IRF2: variants seen among roughly 807,000 people sequenced by gnomAD.
IRF2 encodes interferon regulatory factor 2.
Under a neutral mutation model 40.6 loss-of-function variants are expected in IRF2, and 15 were observed. That is an observed-to-expected ratio of 0.37 (90% confidence interval 0.25 to 0.57). The LOEUF (loss-of-function observed/expected upper bound fraction) is 0.57, where lower values mean the gene tolerates loss of function less well. Among genes scored for constraint, IRF2 ranks in the 20% least tolerant of loss-of-function variants. IRF2 has a pLI of 0.77. For missense variants in IRF2, 317 were observed against 455.7 expected (o/e 0.70, Z 2.77); for synonymous variants, 151 against 165.5 (o/e 0.91, Z 0.67).
intron 2 of IRF2, among the ~76,000 whole-genome samples, chr4:184,422,195 T>A (rs1281698687): frequency 6.6e-6 from 1 of 152,206 alleles, no homozygotes; most frequent in Non-Finnish European, 1.5e-5. Context: ...CTCGTTTTTT[T>A]ATAAATTACC....
intron 1 of IRF2, among the ~76,000 whole-genome samples, chr4:184,431,515 G>A (rs963766349): frequency 7.2e-5 from 11 of 152,190 alleles, no homozygotes; most frequent in African/African-American, 1.9e-4. Flanking sequence ...AGCTCTGCCC[G>A]CCAGGGTGGT....
intron 1 of IRF2, among the ~76,000 whole-genome samples, chr4:184,461,964 A>G (rs1036916929): frequency 1.3e-5 from 2 of 152,118 alleles, no homozygotes; most frequent in African/African-American, 4.8e-5. Context: ...GTCCTGCCCC[A>G]CATCCCCAGG....
chr4:184,419,322 C>T lies in IRF2; in HGVS notation c.187+147G>A. On this transcript the variant is annotated intron_variant, in intron 3 of 8. Transcript: ENST00000393593. The stretch of plus-strand genomic sequence containing the variant: ...ACTTCTGAGGGCTGCAGTTTGTACC[C>T]CATGTGTCCTGGATGTGCCTAGGGA... The T allele has an allele frequency of 2.3e-5, 15 of 644,654 alleles. No individual in the cohort carries two copies. In the South Asian group the frequency reaches 2.5e-4, roughly 11 times the overall value. 39.9% of individuals were successfully genotyped at this position (644,654 alleles called of 1,614,324 possible).
rs567416145 is a variant in IRF2, at chr4:184,408,512, T to C, written c.412-237A>G. 1.3e-5 allele frequency among the ~76,000 whole-genome samples: 2 copies of C among 152,326 alleles called. No individual in the cohort carries two copies. The highest frequency in any genetic ancestry group is 3.9e-4 in the East Asian group (2 of 5,180). On this transcript the variant is annotated intron_variant, in intron 5 of 8. Coordinates refer to ENST00000393593, the MANE Select transcript of IRF2 (RefSeq NM_002199.4). This position sits in a 1 kb window ranked among gnomAD's most constrained non-coding sequence, Gnocchi z 4.9. ...CCTTCAAGGAAACGGTACCGGCCCA[T>C]CTGGCTTGCCTTTAGGAAATGCTTC... is the stretch of plus-strand genomic sequence containing the variant.
chr4:184,388,697 TACAA>T lies in IRF2; in HGVS notation c.*57_*60del, dbSNP rs1736140736. On this transcript the variant is annotated 3_prime_UTR_variant, in exon 9 of 9. Coordinates refer to ENST00000393593, the MANE Select transcript of IRF2 (RefSeq NM_002199.4). The surrounding 1 kb of genome is among the most constrained non-coding windows in gnomAD (Gnocchi z 4.6). ...AGGTGTCAGAGAGAAAAAAATAAAA[TACAA>T]ACAAACAACAAAACAAAGCCAAGAA... The T allele has an allele frequency of 2.0e-6, 3 of 1,523,422 alleles. No individual in the cohort carries two copies. Among genetic ancestry groups the T allele is most frequent in the Admixed American group, 2.2e-5 (1 of 45,436 alleles). The allele number at this position is 1,523,422 out of a possible 1,614,324, so 94.4% of individuals were successfully genotyped here.
At position 184,436,659 on chromosome 4, in the gene IRF2, G is replaced by C. The variant is rs565924297; in HGVS notation, c.-6-7589C>G. On this transcript the variant is annotated intron_variant, in intron 1 of 8. Transcript: ENST00000393593. ...TGGATGGGGAGGTGCTGTCTAGGCA[G>C]GGAGAAGGTGGCAGGCAAGCCAGGG... Among the ~76,000 whole-genome samples, 4 of 152,310 alleles carry C rather than the reference G, an allele frequency of 2.6e-5. No homozygotes were observed. The South Asian group carries it at 8.3e-4, about 32-fold the overall frequency.
At chr4:184,447,809 A>C (rs559619257) in intron 1 of IRF2, among the ~76,000 whole-genome samples, 4 of 152,238 alleles carry the variant, frequency 2.6e-5, no homozygotes, top group Non-Finnish European at 5.9e-5. Context: ...CAAAAGTGTC[A>C]AGTTCATGGA....
intron 5 of IRF2, among the ~76,000 whole-genome samples, chr4:184,410,335 G>A (rs958789472): frequency 2.0e-5 from 3 of 152,196 alleles, no homozygotes; most frequent in Non-Finnish European, 4.4e-5. Flanking sequence ...TAGTAAATAA[G>A]CACTCACCAT....
At chr4:184,456,823 G>T (rs1186261095) in intron 1 of IRF2, among the ~76,000 whole-genome samples, 2 of 152,216 alleles carry the variant, frequency 1.3e-5, no homozygotes, top group Non-Finnish European at 2.9e-5. Context: ...ACATACAACC[G>T]GTTCAAACAC....
intron 1 of IRF2, among the ~76,000 whole-genome samples, chr4:184,445,912 G>A (rs1738490525): frequency 6.6e-6 from 1 of 152,102 alleles, no homozygotes; most frequent in South Asian, 2.1e-4. Flanking sequence ...CAAGTTAAAC[G>A]AGGTCATACC....
chr4:184,403,178 C>T (rs572830066), intron 6 of IRF2, among the ~76,000 whole-genome samples: 1 of 152,224 alleles, frequency 6.6e-6, no homozygotes, highest in Admixed American at 6.5e-5. Flanking sequence ...TTCCAGCTCT[C>T]GAGTGAAAGC....
intron 7 of IRF2, among the ~76,000 whole-genome samples, chr4:184,395,987 T>C (rs1322573518): frequency 1.3e-5 from 2 of 152,122 alleles, no homozygotes; most frequent in African/African-American, 4.8e-5. Flanking sequence ...CAGAAAAGTC[T>C]TACTCAACAG....
chr4:184,446,102 A>G (rs1171895412), intron 1 of IRF2, among the ~76,000 whole-genome samples: 1 of 152,210 alleles, frequency 6.6e-6, no homozygotes, highest in Admixed American at 6.5e-5. Flanking sequence ...AAGGTAGGAG[A>G]GAGGCATGGT....
chr4:184,429,641 C>T (rs903202591), intron 1 of IRF2, among the ~76,000 whole-genome samples: 2 of 152,208 alleles, frequency 1.3e-5, no homozygotes, highest in African/African-American at 2.4e-5. Context: ...ACTTCCAGAG[C>T]CCCTGGAAGC....
At chr4:184,440,586 T>C (rs1738268351) in intron 1 of IRF2, among the ~76,000 whole-genome samples, 2 of 152,192 alleles carry the variant, frequency 1.3e-5, no homozygotes, top group African/African-American at 4.8e-5. Flanking sequence ...TCGCAGCAGA[T>C]GGGCGGCTGA....
chr4:184,392,397 G>C lies in IRF2; in HGVS notation c.695-1648C>G, dbSNP rs774277039. ...AAGAAAATCCAAAAGTGAAGCTCGT[G>C]TTCTAAAAGAAGCAAACATTTAGGG... On this transcript the variant is annotated intron_variant, in intron 7 of 8. Transcript: ENST00000393593. Among the ~76,000 whole-genome samples the C allele has an allele frequency of 1.3e-3, 194 of 152,252 alleles. 4 individuals are homozygous for C. Among genetic ancestry groups the C allele is most frequent in the Non-Finnish European group, 3.8e-4 (26 of 68,048 alleles).
intron 6 of IRF2, among the ~76,000 whole-genome samples, chr4:184,402,572 G>A (rs724528): frequency 0.16 from 23,953 of 152,132 alleles, 2,238 homozygotes; most frequent in East Asian, 0.29. Flanking sequence ...AACTCCCACC[G>A]GAGAGGCGCT....
intron 2 of IRF2, among the ~76,000 whole-genome samples, chr4:184,428,047 C>T (rs1241812035): frequency 1.3e-5 from 2 of 152,084 alleles, no homozygotes; most frequent in African/African-American, 4.8e-5. Flanking sequence ...TTCATTTTTG[C>T]CGACATTATC....
At chr4:184,397,114 C>T (rs573017049) in intron 7 of IRF2, among the ~76,000 whole-genome samples, 1 of 152,298 alleles carries the variant, frequency 6.6e-6, no homozygotes, top group South Asian at 2.1e-4. Flanking sequence ...AATAAAGCAC[C>T]GAAGACAAGC....
Sources: allele counts gnomAD v4.1 joint callset (sites outside exome capture counted in the v4.1 genomes callset), GRCh38; gene constraint gnomAD v4.1.1; non-coding constraint Gnocchi (gnomAD v3.1); transcripts MANE v1.5; gene names NCBI Gene and HGNC (gene_info 2026-07-23, HGNC 2026-07-21).